Variants in CTXND1 observed in about 807,000 individuals in gnomAD.
The protein encoded by CTXND1 is cortexin domain containing 1, also known as cortexin domain-containing 1 protein.
chr15:80,211,951 G>T (rs114096331), intron 1 of CTXND1, among the ~76,000 whole-genome samples: 1,960 of 152,172 alleles, frequency 0.013, 59 homozygotes, highest in African/African-American at 0.045. Flanking sequence ...TTACAACTCC[G>T]TAGAAGACTA....
Position 80,197,994 on chromosome 15 carries a change from T to A in CTXND1, c.*3776A>T, listed in dbSNP as rs1242160685. 2.0e-5 allele frequency: 3 copies of A among 152,234 alleles called. No individual in the cohort carries two copies. Among genetic ancestry groups the A allele is most frequent in the Non-Finnish European group, 2.9e-5 (2 of 68,050 alleles). The allele number at this position is 152,234 out of a possible 1,614,324, so 9.4% of individuals were successfully genotyped here. On this transcript the variant is annotated 3_prime_UTR_variant, in exon 3 of 3. Coordinates refer to ENST00000560778, the MANE Select transcript of CTXND1 (RefSeq NM_001352888.2). ...GAATGATATGCCAGGATGGTAAAGC[T>A]AGGGTCCTACTATACATATCCACCT...
intron 1 of CTXND1, among the ~76,000 whole-genome samples, chr15:80,216,863 C>T (rs1205769120): frequency 1.3e-5 from 2 of 152,102 alleles, no homozygotes; most frequent in Non-Finnish European, 2.9e-5. Flanking sequence ...GATCCACCTG[C>T]CTTGGCCTCT....
At chr15:80,233,567 C>T (rs1168903872) in intron 1 of CTXND1, among the ~76,000 whole-genome samples, 3 of 152,088 alleles carry the variant, frequency 2.0e-5, no homozygotes, top group African/African-American at 7.2e-5. Context: ...GGAGACATCA[C>T]AGAATGACCA....
chr15:80,251,414 C>T (rs1283470569), intron 1 of CTXND1, among the ~76,000 whole-genome samples: 1 of 152,178 alleles, frequency 6.6e-6, no homozygotes, highest in African/African-American at 2.4e-5. Flanking sequence ...AGAAAGGCTG[C>T]CACCAGCAGA....
chr15:80,229,639 T>C (rs911694003), intron 1 of CTXND1, among the ~76,000 whole-genome samples: 8 of 152,224 alleles, frequency 5.3e-5, no homozygotes, highest in African/African-American at 1.9e-4. Flanking sequence ...TAAAGGATGT[T>C]AAAATATCCT....
intron 1 of CTXND1, among the ~76,000 whole-genome samples, chr15:80,222,216 A>G (rs780526869): frequency 4.6e-5 from 7 of 152,180 alleles, no homozygotes; most frequent in African/African-American, 7.2e-5. Flanking sequence ...TTAAAATTTT[A>G]TGGAAATTTA....
rs1291104063 is a variant in CTXND1, at chr15:80,252,084, C to T, written c.-295G>A. 6.6e-6 allele frequency: 1 copy of T among 151,682 alleles called. No individual in the cohort carries two copies. Among genetic ancestry groups the T allele is most frequent in the African/African-American group, 2.4e-5 (1 of 41,390 alleles). The allele number at this position is 151,682 out of a possible 1,614,324, so 9.4% of individuals were successfully genotyped here. A position where few individuals can be genotyped will look rare whatever the true frequency, so the allele number is the denominator to read the frequency against. ...GCCCAGGGCGACCGCGGATCGCCGG[C>T]TACGGCGTTTCCCGGTGACGGGGGC... is the stretch of plus-strand genomic sequence containing the variant. On this transcript the variant is annotated 5_prime_UTR_variant, in exon 1 of 3. Transcript: ENST00000560778.
At chr15:80,219,336 T>C (rs1354352127) in intron 1 of CTXND1, among the ~76,000 whole-genome samples, 1 of 152,204 alleles carries the variant, frequency 6.6e-6, no homozygotes, top group Non-Finnish European at 1.5e-5. Flanking sequence ...CTTTGAGACT[T>C]TTCCTCATGC....
chr15:80,227,054 G>C (rs1489558304), intron 1 of CTXND1, among the ~76,000 whole-genome samples: 1 of 152,060 alleles, frequency 6.6e-6, no homozygotes, highest in Non-Finnish European at 1.5e-5. Flanking sequence ...GTTTTATTGA[G>C]TGCACATAGC....
chr15:80,215,592 C>T lies in CTXND1; in HGVS notation c.-217-11852G>A, dbSNP rs1893244697. Among the ~76,000 whole-genome samples, 2 of 152,130 alleles carry T rather than the reference C, an allele frequency of 1.3e-5. 1 individual carries two copies. Among genetic ancestry groups the T allele is most frequent in the South Asian group, 4.2e-4 (2 of 4,818 alleles). Reference sequence around the variant, plus strand: ...GGGAAGGGGGCTTCCTGGTCTTCCTCAGCTCTTTGTCAAGAGTTCCAATGT... The same window carrying T: ...GGGAAGGGGGCTTCCTGGTCTTCCTTAGCTCTTTGTCAAGAGTTCCAATGT... On this transcript the variant is annotated intron_variant, in intron 1 of 2. Coordinates refer to ENST00000560778, the MANE Select transcript of CTXND1 (RefSeq NM_001352888.2).
At chr15:80,241,400 A>G (rs1893564887) in intron 1 of CTXND1, among the ~76,000 whole-genome samples, 1 of 152,182 alleles carries the variant, frequency 6.6e-6, no homozygotes, top group Non-Finnish European at 1.5e-5. Context: ...ACTTTGTTCA[A>G]CAGACCTTTC....
At chr15:80,242,032 C>T (rs995802127) in intron 1 of CTXND1, among the ~76,000 whole-genome samples, 6 of 152,118 alleles carry the variant, frequency 3.9e-5, no homozygotes, top group South Asian at 2.1e-4. Flanking sequence ...ATGAGGAGAC[C>T]GAGGCTCAGA....
At chr15:80,238,980 G>C (rs1893535089) in intron 1 of CTXND1, among the ~76,000 whole-genome samples, 1 of 152,230 alleles carries the variant, frequency 6.6e-6, no homozygotes, top group South Asian at 2.1e-4. Flanking sequence ...GCATTTCTCA[G>C]AATGGATCCC....
rs186685991 is a variant in CTXND1, at chr15:80,232,671, G to A, written c.-218+19336C>T. On this transcript the variant is annotated intron_variant, in intron 1 of 2. Coordinates refer to ENST00000560778, the MANE Select transcript of CTXND1 (RefSeq NM_001352888.2). The stretch of plus-strand genomic sequence containing the variant: ...ACCTGTGTTGCTCTGTCTGTGCCCT[G>A]AAGCCCCCAAATAAAACTCTCCATC... Among the ~76,000 whole-genome samples the A allele has an allele frequency of 8.5e-4, 130 of 152,252 alleles. 2 individuals carry two copies. The highest frequency in any genetic ancestry group is 6.8e-3 in the Middle Eastern group (2 of 294).
At chr15:80,232,921 T>G (rs563132234) in intron 1 of CTXND1, among the ~76,000 whole-genome samples, 1 of 150,630 alleles carries the variant, frequency 6.6e-6, no homozygotes, top group Non-Finnish European at 1.5e-5. Flanking sequence ...AGTGTGATAT[T>G]AGACGAAAAA....
chr15:80,211,660 G>A (rs553120030), intron 1 of CTXND1, among the ~76,000 whole-genome samples: 1 of 152,266 alleles, frequency 6.6e-6, no homozygotes, highest in East Asian at 1.9e-4. Flanking sequence ...CTTCCGATAT[G>A]TAAACACCCC....
rs142275666 is a variant in CTXND1, at chr15:80,222,823, GTTT to G, written c.-217-19086_-217-19084del. Among the ~76,000 whole-genome samples the G allele has an allele frequency of 9.8e-3, 1,483 of 152,084 alleles. 22 individuals carry two copies. Among genetic ancestry groups the G allele is most frequent in the African/African-American group, 0.034 (1,395 of 41,486 alleles). ...TCTGCCATAGTATTTCCTTGAGTGT[GTTT>G]TTCTTTTACAATGGATTCACATATG... On this transcript the variant is annotated intron_variant, in intron 1 of 2. Coordinates refer to ENST00000560778, the MANE Select transcript of CTXND1 (RefSeq NM_001352888.2).
At chr15:80,213,683 G>A (rs958394466) in intron 1 of CTXND1, among the ~76,000 whole-genome samples, 14 of 152,134 alleles carry the variant, frequency 9.2e-5, no homozygotes, top group Admixed American at 2.6e-4. Context: ...TCCACATAGG[G>A]GAAGAAAATT....
chr15:80,235,705 C>T (rs1388276631), intron 1 of CTXND1, among the ~76,000 whole-genome samples: 1 of 151,936 alleles, frequency 6.6e-6, no homozygotes, highest in Non-Finnish European at 1.5e-5. Context: ...TGACCCAGAA[C>T]CAACTCCCCT....
Sources: allele counts gnomAD v4.1 joint callset (sites outside exome capture counted in the v4.1 genomes callset), GRCh38; gene constraint gnomAD v4.1.1; transcripts MANE v1.5; gene names NCBI Gene and HGNC (gene_info 2026-07-23, HGNC 2026-07-21).